APPL2: variants seen among roughly 807,000 people sequenced by gnomAD.
APPL2 encodes DCC-interacting protein 13-beta.
A neutral mutation model predicts 92.7 loss-of-function variants in APPL2; 84 were observed. The observed-to-expected ratio is 0.91, with a 90% confidence interval of 0.76 to 1.09. The LOEUF (loss-of-function observed/expected upper bound fraction) is 1.09. Among genes scored for constraint, APPL2 ranks in the 50% least tolerant of loss-of-function variants. The pLI is 0.00. For synonymous variants in APPL2, 291 were observed against 291.0 expected, an observed-to-expected ratio of 1.00 and a Z score of 0.00; for missense variants, 736 against 824.5, an observed-to-expected ratio of 0.89 and a Z score of 1.31.
chr12:105,222,254 T>C (rs570053178), intron 2 of APPL2, among the ~76,000 whole-genome samples: 5 of 151,990 alleles, frequency 3.3e-5, no homozygotes, highest in African/African-American at 1.2e-4. Flanking sequence ...GGCAGGAGTA[T>C]GAGAAGCTCA....
chr12:105,189,337 AC>A (rs1250650283), intron 16 of APPL2, among the ~76,000 whole-genome samples: 2 of 152,206 alleles, frequency 1.3e-5, no homozygotes, highest in South Asian at 4.1e-4. Flanking sequence ...GCCATCAGAT[AC>A]GTTCTTAAGT....
At chr12:105,230,389 C>A (rs1398148970) in intron 1 of APPL2, among the ~76,000 whole-genome samples, 1 of 152,128 alleles carries the variant, frequency 6.6e-6, no homozygotes, top group Non-Finnish European at 1.5e-5. Flanking sequence ...CAGATCTACT[C>A]AAGGGATTTT....
Position 105,235,942 on chromosome 12 carries a change from G to A in APPL2, c.54+17C>T, listed in dbSNP as rs1891200413. ...CTCACCCCTGCGGGCGAGGGGCACC[G>A]GAGCGGCGGGAGGTACCTGGGGGCT... On this transcript the variant is annotated intron_variant, in intron 1 of 20. Transcript: ENST00000258530. 8 of 1,241,398 alleles carry A rather than the reference G, an allele frequency of 6.4e-6. No homozygotes were observed. The highest frequency in any genetic ancestry group is 3.8e-5 in the South Asian group (1 of 25,986). 76.9% of individuals were successfully genotyped at this position (1,241,398 alleles called of 1,614,324 possible). A position where few individuals can be genotyped will look rare whatever the true frequency, so the allele number is the denominator to read the frequency against.
At chr12:105,206,247 A>C (rs989155877) in intron 8 of APPL2, among the ~76,000 whole-genome samples, 1 of 152,212 alleles carries the variant, frequency 6.6e-6, no homozygotes, top group Non-Finnish European at 1.5e-5. Context: ...AGATGTTCAT[A>C]TATCAGGTAT....
chr12:105,224,979 T>G lies in APPL2; in HGVS notation c.153+4146A>C, dbSNP rs530236003. On this transcript the variant is annotated intron_variant, in intron 2 of 20. Transcript: ENST00000258530. ...ACTACTTCCACCTCCAATTCGGGCT[T>G]CTAGGATCAGGAGTTTTAAGATCAA... 5.3e-5 allele frequency among the ~76,000 whole-genome samples: 8 copies of G among 152,272 alleles called. No homozygotes were observed. The South Asian group carries it at 1.7e-3, about 32-fold the overall frequency.
chr12:105,173,341 G>GATA lies in APPL2; in HGVS notation c.*970_*972dup, dbSNP rs60585141. 0.13 allele frequency: 19,856 copies of GATA among 152,332 alleles called. 1,479 individuals are homozygous for GATA. The highest frequency in any genetic ancestry group is 0.21 in the African/African-American group (8,909 of 41,452). The allele number at this position is 152,332 out of a possible 1,614,324, so 9.4% of individuals were successfully genotyped here. On this transcript the variant is annotated 3_prime_UTR_variant, in exon 21 of 21. Transcript: ENST00000258530. ...TATTGCTAGGTTAATTTATTACAAA[G>GATA]ATAATAATAGTCTGTTGAACTTAGT...
intron 5 of APPL2, among the ~76,000 whole-genome samples, chr12:105,209,067 T>C (rs1457639143): frequency 1.3e-5 from 2 of 152,194 alleles, no homozygotes; most frequent in East Asian, 3.9e-4. Flanking sequence ...TGCATTTTTC[T>C]TTCTTTCTCT....
intron 17 of APPL2, among the ~76,000 whole-genome samples, chr12:105,186,740 T>C (rs917740170): frequency 2.7e-5 from 4 of 148,080 alleles, no homozygotes; most frequent in Non-Finnish European, 5.9e-5. Flanking sequence ...ATATATCATA[T>C]ATATATAAAC....
chr12:105,234,369 C>T (rs1448968387), intron 1 of APPL2, among the ~76,000 whole-genome samples: 1 of 152,210 alleles, frequency 6.6e-6, no homozygotes, highest in Non-Finnish European at 1.5e-5. Flanking sequence ...TCACCCACAT[C>T]ACATCCTAAG....
intron 2 of APPL2, among the ~76,000 whole-genome samples, chr12:105,227,204 A>G (rs1890577541): frequency 6.6e-6 from 1 of 151,964 alleles, no homozygotes; most frequent in Non-Finnish European, 1.5e-5. Context: ...TCCTCACTAT[A>G]TTGACTAGGC....
At chr12:105,208,506 C>T (rs1888947645) in intron 5 of APPL2, among the ~76,000 whole-genome samples, 1 of 152,302 alleles carries the variant, frequency 6.6e-6, no homozygotes, top group Non-Finnish European at 1.5e-5. Context: ...TGGACAGGTA[C>T]TTTTCATGGA....
intron 17 of APPL2, 118 bp downstream of exon 17, chr12:105,188,155 G>C: frequency 8.6e-7 from 1 of 1,161,124 alleles, no homozygotes. Context: ...AAAAGTAGTG[G>C]GGGCAAAAGC....
At chr12:105,226,166 T>A (rs1592837483) in intron 2 of APPL2, among the ~76,000 whole-genome samples, 1 of 152,282 alleles carries the variant, frequency 6.6e-6, no homozygotes, top group South Asian at 2.1e-4. Flanking sequence ...AATATATATA[T>A]GAAAACAAAC....
At chr12:105,210,618 T>C (rs941027103) in intron 5 of APPL2, among the ~76,000 whole-genome samples, 4 of 152,238 alleles carry the variant, frequency 2.6e-5, no homozygotes, top group African/African-American at 7.2e-5. Flanking sequence ...TAACGCTTTA[T>C]TTTAGTTGAA....
chr12:105,189,198 T>C (rs1886985616), intron 16 of APPL2, among the ~76,000 whole-genome samples: 1 of 151,686 alleles, frequency 6.6e-6, no homozygotes, highest in African/African-American at 2.4e-5. Context: ...TTTGTATATA[T>C]ATATATATTT....
Position 105,195,280 on chromosome 12 carries a change from G to T in APPL2, c.1222C>A (p.Gln408Lys), listed in dbSNP as rs202240683. 1.2e-6 allele frequency: 2 copies of T among 1,614,120 alleles called. No individual in the cohort carries two copies. Among genetic ancestry groups the T allele is most frequent in the Middle Eastern group, 3.3e-4 (2 of 6,062 alleles). Residue 408 changes from glutamine to lysine, a missense_variant, in exon 14 of 21, where the codon CAA (glutamine) becomes AAA (lysine). Coordinates refer to ENST00000258530, the MANE Select transcript of APPL2 (RefSeq NM_018171.5). ...AGTTACCTGGGGCATGAGCTTTCTTGTTTTTTTCCAAAACTTGTAATGGGA... is the reference window on the plus strand; with the variant it reads ...AGTTACCTGGGGCATGAGCTTTCTTTTTTTTTTCCAAAACTTGTAATGGGA... ...VTPITSFGKKQESSCPSQNLK... is the reference protein window; with the variant it reads ...VTPITSFGKKKESSCPSQNLK...
At chr12:105,213,870 G>A (rs1300116895) in intron 4 of APPL2, among the ~76,000 whole-genome samples, 4 of 152,146 alleles carry the variant, frequency 2.6e-5, no homozygotes, top group Non-Finnish European at 1.5e-5. Context: ...ACTCTTCCAG[G>A]GTGCCATGAT....
rs199855187 is a variant in APPL2 at position 105,190,025 on chromosome 12, C to G, written c.1372G>C (p.Ala458Pro). The change falls in exon 15 of 21, where the codon GCT (alanine) becomes CCT (proline). Residue 458 changes from alanine to proline, a missense_variant. Coordinates refer to ENST00000258530, the MANE Select transcript of APPL2 (RefSeq NM_018171.5). ...CTGTTCTGATCAAGGAATTCTGTAG[C>G]AGGAAGCACAATATCGAATTGAATC... is the stretch of plus-strand genomic sequence containing the variant. ...TPIQFDIVLP[A>P]TEFLDQNRGS... is the part of the protein sequence containing the mutation. 1.9e-4 allele frequency: 309 copies of G among 1,614,178 alleles called. 2 individuals carry two copies. In the East Asian group the frequency reaches 6.7e-3, roughly 35 times the overall value.
intron 16 of APPL2, 139 bp downstream of exon 16, chr12:105,189,633 C>G (rs1331612391): frequency 1.0e-6 from 1 of 991,472 alleles, no homozygotes; most frequent in Non-Finnish European, 1.5e-6. Context: ...CTGCAGATAT[C>G]TTACTAAACT....
Sources: allele counts gnomAD v4.1 joint callset (sites outside exome capture counted in the v4.1 genomes callset), GRCh38; gene constraint gnomAD v4.1.1; transcripts MANE v1.5; gene names NCBI Gene and HGNC (gene_info 2026-07-23, HGNC 2026-07-21).